The following MEIOB variants were observed in gnomAD, a reference collection of about 807,000 sequenced individuals.
MEIOB encodes the protein meiosis-specific with OB domain-containing protein.
A neutral mutation model predicts 53.1 loss-of-function variants in MEIOB; 50 were observed. The observed-to-expected ratio is 0.94, with a 90% confidence interval of 0.75 to 1.19. The LOEUF is 1.19. Ranked by LOEUF, MEIOB falls within the 50% of genes most tolerant of loss-of-function variation. MEIOB has a pLI of 0.00. For missense variants in MEIOB, 551 were observed against 550.8 expected, an observed-to-expected ratio of 1.00 and a Z score of 0.00; for synonymous variants, 192 against 182.5, an observed-to-expected ratio of 1.05 and a Z score of -0.42.
intron 5 of MEIOB, among the ~76,000 whole-genome samples, chr16:1,858,580 G>A (rs780324210): frequency 3.9e-5 from 6 of 152,096 alleles, no homozygotes; most frequent in Middle Eastern, 3.2e-3. Flanking sequence ...CATAAGCAAA[G>A]TGATCTTCCT....
chr16:1,861,929 C>G, intron 4 of MEIOB, 56 bp downstream of exon 4: 1 of 1,488,968 alleles, frequency 6.7e-7, no homozygotes, highest in Non-Finnish European at 9.1e-7. Context: ...TTACCATAAA[C>G]ATACCACAGG....
At position 1,861,971 on chromosome 16, in the gene MEIOB, C is replaced by A; in HGVS notation, c.259+14G>T. On this transcript the variant is annotated intron_variant, in intron 4 of 13. Transcript: ENST00000325962. ...ACTATGATGGAAAAAGTTTAAGAATCAATGCCAACTTACCACAGTCACCAA... is the reference window on the plus strand; with the variant it reads ...ACTATGATGGAAAAAGTTTAAGAATAAATGCCAACTTACCACAGTCACCAA... 1 of 1,548,062 alleles carries A rather than the reference C, an allele frequency of 6.5e-7. No homozygotes were observed. Among genetic ancestry groups the A allele is most frequent in the South Asian group, 1.2e-5 (1 of 83,246 alleles).
At chr16:1,839,190 A>AT (rs1898831623) in intron 12 of MEIOB, 65 bp downstream of exon 12, 15 of 1,459,688 alleles carry the variant, frequency 1.0e-5, no homozygotes, top group Admixed American at 5.4e-5. Context: ...AACAACCTAT[A>AT]TTTTTTTGGG....
At chr16:1,837,713 G>C in intron 13 of MEIOB, 71 bp downstream of exon 13, 4 of 800,164 alleles carry the variant, frequency 5.0e-6, no homozygotes, top group Non-Finnish European at 7.7e-6. Context: ...ATTTATCTAG[G>C]TTTTTCTTAT....
At chr16:1,839,187 T>C (rs1444315630) in intron 12 of MEIOB, 68 bp downstream of exon 12, 1 of 1,459,118 alleles carries the variant, frequency 6.9e-7, no homozygotes, top group Non-Finnish European at 9.1e-7. Flanking sequence ...CAAAACAACC[T>C]ATATTTTTTT....
intron 13 of MEIOB, among the ~76,000 whole-genome samples, chr16:1,834,716 T>A (rs1898692686): frequency 6.6e-6 from 1 of 152,062 alleles, no homozygotes; most frequent in Non-Finnish European, 1.5e-5. Flanking sequence ...GTGGATCACC[T>A]GAGGTCAGGA....
intron 3 of MEIOB, among the ~76,000 whole-genome samples, chr16:1,863,323 A>G (rs1166976738): frequency 6.6e-6 from 1 of 150,956 alleles, no homozygotes; most frequent in Non-Finnish European, 1.5e-5. Context: ...CTGGGGCTAC[A>G]GACGCACACC....
At chr16:1,862,995 G>A (rs915181312) in intron 3 of MEIOB, among the ~76,000 whole-genome samples, 1 of 151,730 alleles carries the variant, frequency 6.6e-6, no homozygotes. Context: ...TTTGGGAGGT[G>A]AGGTAGGAGA....
chr16:1,850,918 C>CA lies in MEIOB; in HGVS notation c.778+2120dup, dbSNP rs534010879. ...CCTGGGCAACAGAGTGAGACTGTCT[C>CA]AAAAAAAATAAAATAAATAAAATTA... On this transcript the variant is annotated intron_variant, in intron 9 of 13. Transcript: ENST00000325962. 6.1e-3 allele frequency among the ~76,000 whole-genome samples: 926 copies of CA among 151,260 alleles called. 6 individuals carry two copies. The highest frequency in any genetic ancestry group is 0.012 in the Admixed American group (182 of 15,178).
intron 13 of MEIOB, among the ~76,000 whole-genome samples, chr16:1,835,491 T>C (rs1898718567): frequency 6.6e-6 from 1 of 152,146 alleles, no homozygotes; most frequent in South Asian, 2.1e-4. Context: ...ACCACTTTAA[T>C]TTCAAGACTG....
chr16:1,856,608 C>A (rs1285572471), intron 6 of MEIOB, among the ~76,000 whole-genome samples: 1 of 152,032 alleles, frequency 6.6e-6, no homozygotes, highest in Non-Finnish European at 1.5e-5. Flanking sequence ...CGTGAGCCAC[C>A]GCACCAGGCC....
In MEIOB at chr16:1,856,852, C is replaced by T. The variant is rs562437237; in HGVS notation, c.528+883G>A. On this transcript the variant is annotated intron_variant, in intron 6 of 13. Coordinates refer to ENST00000325962, the MANE Select transcript of MEIOB (RefSeq NM_001163560.3). ...GATTTTGGCTCACTGCAACCTCAAC[C>T]TCCCAGGCTCAGGTGATCCTCCCAC... Among the ~76,000 whole-genome samples the T allele has an allele frequency of 2.1e-4, 31 of 151,170 alleles. No individual in the cohort carries two copies. The East Asian group carries it at 6.1e-3, about 30-fold the overall frequency.
intron 1 of MEIOB, among the ~76,000 whole-genome samples, chr16:1,870,292 CG>C: frequency 6.6e-6 from 1 of 152,222 alleles, no homozygotes; most frequent in African/African-American, 2.4e-5. Flanking sequence ...ATCAGATGAA[CG>C]AAATGGTGGT....
chr16:1,866,851 A>G (rs1899606669), intron 2 of MEIOB, among the ~76,000 whole-genome samples: 1 of 152,362 alleles, frequency 6.6e-6, no homozygotes, highest in Non-Finnish European at 1.5e-5. Context: ...CATTTAAATT[A>G]CAATCAGGCT....
chr16:1,850,211 G>A lies in MEIOB; in HGVS notation c.778+2828C>T, dbSNP rs577854271. Among the ~76,000 whole-genome samples, 4 of 152,098 alleles carry A rather than the reference G, an allele frequency of 2.6e-5. No homozygotes were observed. The South Asian group carries it at 8.3e-4, about 31-fold the overall frequency. On this transcript the variant is annotated intron_variant, in intron 9 of 13. Coordinates refer to ENST00000325962, the MANE Select transcript of MEIOB (RefSeq NM_001163560.3). ...ATCATCTTTTCCATCAGACAAATCT[G>A]TCTTTTAGAAACTTTTCCAGCTCAA...
intron 10 of MEIOB, 142 bp downstream of exon 10, chr16:1,844,720 C>G: frequency 1.9e-6 from 1 of 521,340 alleles, no homozygotes; most frequent in Non-Finnish European, 3.5e-6. Context: ...AAAAGATGCC[C>G]ACTATTTTAA....
chr16:1,837,667 T>G (rs1203395102), intron 13 of MEIOB, 117 bp downstream of exon 13: 4 of 562,480 alleles, frequency 7.1e-6, no homozygotes, highest in African/African-American at 5.7e-5. Flanking sequence ...CTTATGCACA[T>G]CTGGGAACTG....
rs1375081728 is a variant in MEIOB at position 1,853,289 on chromosome 16, G to C, written c.630-18C>G. 7.2e-6 allele frequency: 11 copies of C among 1,527,664 alleles called. No individual in the cohort carries two copies. Among genetic ancestry groups the C allele is most frequent in the Non-Finnish European group, 2.7e-6 (3 of 1,125,622 alleles). 94.6% of individuals were successfully genotyped at this position (1,527,664 alleles called of 1,614,324 possible). On this transcript the variant is annotated intron_variant, in intron 7 of 13. Coordinates refer to ENST00000325962, the MANE Select transcript of MEIOB (RefSeq NM_001163560.3). ...TATCCCAACTGCATTTGTTTAAAAA[G>C]AAGTAATACAAATTGAATACACTAG...
chr16:1,849,183 G>A (rs1899097903), intron 9 of MEIOB, among the ~76,000 whole-genome samples: 2 of 152,114 alleles, frequency 1.3e-5, no homozygotes, highest in Non-Finnish European at 2.9e-5. Context: ...CACTTTGGGA[G>A]GCCAAGGTGG....
Sources: allele counts gnomAD v4.1 joint callset (sites outside exome capture counted in the v4.1 genomes callset), GRCh38; gene constraint gnomAD v4.1.1; transcripts MANE v1.5; gene names NCBI Gene and HGNC (gene_info 2026-07-23, HGNC 2026-07-21).